Variants in USP20 observed in about 807,000 individuals in gnomAD.
The protein encoded by USP20 is ubiquitin carboxyl-terminal hydrolase 20.
A neutral mutation model predicts 124.2 loss-of-function variants in USP20; 80 were observed. The ratio of observed to expected loss-of-function variants is 0.64; its 90% CI spans 0.54 to 0.78. The LOEUF (loss-of-function observed/expected upper bound fraction) is 0.78. Among genes scored for constraint, USP20 ranks in the 30% least tolerant of loss-of-function variants. USP20 has a pLI of 0.00. For missense variants in USP20, 1,043 were observed against 1,244.4 expected, an observed-to-expected ratio of 0.84 and a Z score of 2.44; for synonymous variants, 481 against 512.3, an observed-to-expected ratio of 0.94 and a Z score of 0.83.
intron 19 of USP20, 136 bp from the exon 20 acceptor site, chr9:129,875,174 A>G (rs1394905392): frequency 8.1e-7 from 1 of 1,235,226 alleles, no homozygotes; most frequent in East Asian, 2.6e-5. Flanking sequence ...GGCTGCTCAC[A>G]TGTCCAGGAC....
chr9:129,880,435 G>T, intron 25 of USP20, 32 bp from the exon 26 acceptor site: 1 of 967,344 alleles, frequency 1.0e-6, no homozygotes, highest in Non-Finnish European at 1.5e-6. Flanking sequence ...GACATGGCCC[G>T]GCCCCACTGC....
chr9:129,875,185 C>A, intron 19 of USP20, 125 bp from the exon 20 acceptor site: 1 of 1,253,304 alleles, frequency 8.0e-7, no homozygotes, highest in Non-Finnish European at 1.1e-6. Context: ...TGTCCAGGAC[C>A]CGTGAAGGAC....
rs763078711 is a variant in USP20, at chr9:129,880,123, C to T, written c.2595C>T (p.Tyr865=). The change falls in exon 25 of 26, where the codon TAC becomes TAT. Residue 865 remains tyrosine (Y), a synonymous_variant. Transcript: ENST00000372429. The stretch of plus-strand genomic sequence containing the variant: ...TCTCGTGCCCTGCAGGAGCTGACTA[C>T]GGGCAGATTTCGGAGGAGACCTGGA... ...GHVQLKQGAD[Y]GQISEETWTY... The T allele has an allele frequency of 2.9e-5, 46 of 1,613,588 alleles. No homozygotes were observed. Among genetic ancestry groups the T allele is most frequent in the African/African-American group, 6.7e-5 (5 of 74,922 alleles).
chr9:129,858,387 G>T, intron 5 of USP20, 80 bp from the exon 6 acceptor site: 1 of 1,590,664 alleles, frequency 6.3e-7, no homozygotes, highest in Non-Finnish European at 8.6e-7. Flanking sequence ...TGAGAGGCTG[G>T]GGAGCGGAGC....
chr9:129,866,887 G>T (rs372821349), intron 10 of USP20, among the ~76,000 whole-genome samples: 22 of 152,302 alleles, frequency 1.4e-4, no homozygotes, highest in African/African-American at 5.1e-4. Context: ...CACAGGACAC[G>T]TGTCCCCTCC....
chr9:129,870,435 C>T lies in USP20; in HGVS notation c.1566-18C>T, dbSNP rs2034061479. ...CCCAGGCCCTGGCAGCACCCCTGCA[C>T]TCCTTTTCTGTCTGTAGGTTTGTGG... is the stretch of plus-strand genomic sequence containing the variant. On this transcript the variant is annotated intron_variant, in intron 14 of 25. Transcript: ENST00000372429. 2.5e-6 allele frequency: 4 copies of T among 1,613,482 alleles called. No homozygotes were observed. The highest frequency in any genetic ancestry group is 3.4e-6 in the Non-Finnish European group (4 of 1,179,476).
chr9:129,844,494 T>C (rs1187130730), intron 1 of USP20, among the ~76,000 whole-genome samples: 2 of 150,160 alleles, frequency 1.3e-5, no homozygotes, highest in Non-Finnish European at 3.0e-5. Context: ...GGCGTGGGAG[T>C]GTGTGCCTGT....
intron 1 of USP20, among the ~76,000 whole-genome samples, chr9:129,845,343 C>G (rs1206879132): frequency 6.6e-6 from 1 of 152,120 alleles, no homozygotes; most frequent in Non-Finnish European, 1.5e-5. Context: ...CAGATGCACA[C>G]TCTTCTTATT....
intron 3 of USP20, among the ~76,000 whole-genome samples, chr9:129,854,087 T>C (rs1194521041): frequency 1.3e-5 from 2 of 152,232 alleles, no homozygotes; most frequent in Non-Finnish European, 2.9e-5. Flanking sequence ...TTCACTCTCA[T>C]TCTTATGGAT....
At chr9:129,866,116 G>A in intron 10 of USP20, among the ~76,000 whole-genome samples, 1 of 152,178 alleles carries the variant, frequency 6.6e-6, no homozygotes. Context: ...CACAGCCTGG[G>A]CTTTCATGCC....
At chr9:129,873,042 G>T (rs2034198476) in intron 15 of USP20, among the ~76,000 whole-genome samples, 1 of 147,140 alleles carries the variant, frequency 6.8e-6, no homozygotes, top group African/African-American at 2.5e-5. Context: ...CCTCCCTCCA[G>T]TACCTCTCAG....
Position 129,879,255 on chromosome 9 carries a change from CG to C in USP20, c.2513-317del. On this transcript the variant is annotated intron_variant, in intron 23 of 25. Transcript: ENST00000372429. The surrounding 1 kb of genome is among the most constrained non-coding windows in gnomAD (Gnocchi z 4.2). ...AACCTCTGTCTTGTCCTGTGGTTGC[CG>C]AGGCTAAATGAGATAGCTGGGCAGA... 1 of 356,872 alleles carries C rather than the reference CG, an allele frequency of 2.8e-6. No homozygotes were observed. The highest frequency in any genetic ancestry group is 5.1e-6 in the Non-Finnish European group (1 of 194,984). 22.1% of individuals were successfully genotyped at this position (356,872 alleles called of 1,614,324 possible). A position where few individuals can be genotyped will look rare whatever the true frequency, so the allele number is the denominator to read the frequency against.
chr9:129,867,239 CCT>C (rs1056217039), intron 10 of USP20, among the ~76,000 whole-genome samples: 1 of 152,170 alleles, frequency 6.6e-6, no homozygotes, highest in Non-Finnish European at 1.5e-5. Context: ...CAGTGCACCC[CCT>C]GTGTGAGCAC....
chr9:129,844,490 G>C (rs7028745), intron 1 of USP20, among the ~76,000 whole-genome samples: 21,765 of 151,476 alleles, frequency 0.14, 2,053 homozygotes, highest in African/African-American at 0.26. Flanking sequence ...GCCAGGCGTG[G>C]GAGTGTGTGC....
chr9:129,858,472 AAAG>A lies in USP20; in HGVS notation c.205_207del (p.Lys69del). 1 of 1,614,086 alleles carries A rather than the reference AAAG, an allele frequency of 6.2e-7. No homozygotes were observed. The highest frequency in any genetic ancestry group is 8.5e-7 in the Non-Finnish European group (1 of 1,180,010). ...TTTTGGATATCACCCTCTAGGCAAAAAAGCACAACTTGACCGTGAACCTGACCA... is the reference window on the plus strand; with the variant it reads ...TTTTGGATATCACCCTCTAGGCAAAACACAACTTGACCGTGAACCTGACCA... On this transcript the variant is annotated inframe_deletion, in exon 6 of 26. Coordinates refer to ENST00000372429, the MANE Select transcript of USP20 (RefSeq NM_001110303.4).
intron 1 of USP20, among the ~76,000 whole-genome samples, chr9:129,837,660 G>C (rs1413247378): frequency 6.6e-6 from 1 of 152,196 alleles, no homozygotes; most frequent in Non-Finnish European, 1.5e-5. Flanking sequence ...AAGATGGTAA[G>C]TGCTGTGGAA....
rs557047317 is a variant in USP20, at chr9:129,856,382, CAG to C, written c.135+23_135+24del. 2.7e-4 allele frequency: 436 copies of C among 1,613,738 alleles called. No homozygotes were observed. In the African/African-American group the frequency reaches 4.9e-3, roughly 18 times the overall value. On this transcript the variant is annotated intron_variant, in intron 4 of 25. Transcript: ENST00000372429. ...GCAGGTAAAAGACCCTTGTGGCCATCAGGGGTGTAGAGCTGCTTCCACCTGTT... is the reference window on the plus strand; with the variant it reads ...GCAGGTAAAAGACCCTTGTGGCCATCGGGTGTAGAGCTGCTTCCACCTGTT...
Position 129,835,491 on chromosome 9 carries a change from C to T in USP20, c.-137C>T, listed in dbSNP as rs866574347. 97 of 389,800 alleles carry T rather than the reference C, an allele frequency of 2.5e-4. No homozygotes were observed. Among genetic ancestry groups the T allele is most frequent in the Non-Finnish European group, 5.9e-5 (13 of 218,742 alleles). The allele number at this position is 389,800 out of a possible 1,614,324, so 24.1% of individuals were successfully genotyped here. On this transcript the variant is annotated 5_prime_UTR_variant, in exon 1 of 26. Coordinates refer to ENST00000372429, the MANE Select transcript of USP20 (RefSeq NM_001110303.4). ...CTGACAGGCGGCGGCGGCGCAGTTG[C>T]GAGTGCAGGTGAGTTCCGGGCCGCC...
chr9:129,849,393 C>T (rs1334844572), intron 1 of USP20, among the ~76,000 whole-genome samples: 2 of 152,188 alleles, frequency 1.3e-5, no homozygotes, highest in South Asian at 2.1e-4. Flanking sequence ...CCCCAATATC[C>T]TGAAATTAGT....
Sources: gnomAD v4.1 joint callset for allele counts (sites outside exome capture counted in the v4.1 genomes callset) on GRCh38, gnomAD v4.1.1 for gene constraint, Gnocchi (gnomAD v3.1) non-coding constraint, MANE v1.5 for transcripts, NCBI Gene and HGNC (gene_info 2026-07-23, HGNC 2026-07-21) for gene names.